The following FGF14 variants were observed in gnomAD, a reference collection of about 807,000 sequenced individuals.
FGF14 encodes fibroblast growth factor 14.
In FGF14, 5 loss-of-function variants were observed where a neutral mutation model predicts 25.5. The ratio of observed to expected loss-of-function variants is 0.20; its 90% CI spans 0.10 to 0.41. FGF14 has a LOEUF of 0.41. Among genes scored for constraint, FGF14 ranks in the 10% least tolerant of loss-of-function variants. FGF14 has a pLI of 1.00. For synonymous variants in FGF14, 138 were observed against 118.3 expected, an observed-to-expected ratio of 1.17 and a Z score of -1.08; for missense variants, 222 against 320.1, an observed-to-expected ratio of 0.69 and a Z score of 2.34.
chr13:102,023,288 T>G (rs974809453), intron 1 of FGF14, among the ~76,000 whole-genome samples: 10 of 151,998 alleles, frequency 6.6e-5, no homozygotes, highest in African/African-American at 2.4e-4. Context: ...AAAGTCAAAT[T>G]TTATCCTCCA....
At chr13:101,849,553 T>C (rs557235412) in intron 3 of FGF14, among the ~76,000 whole-genome samples, 3 of 152,162 alleles carry the variant, frequency 2.0e-5, no homozygotes, top group East Asian at 3.9e-4. Flanking sequence ...TATCTTTCAA[T>C]GAATACGTTA....
At chr13:101,774,831 TCA>T (rs1308787788) in intron 3 of FGF14, among the ~76,000 whole-genome samples, 1 of 151,858 alleles carries the variant, frequency 6.6e-6, no homozygotes, top group Non-Finnish European at 1.5e-5. Context: ...GGCAGGAGGA[TCA>T]CATGAGGTCA....
intron 1 of FGF14, among the ~76,000 whole-genome samples, chr13:101,938,493 T>C (rs891998861): frequency 6.6e-5 from 10 of 152,338 alleles, no homozygotes; most frequent in African/African-American, 2.2e-4. Context: ...TAGTTCCTAA[T>C]AAAAAGGGCT....
chr13:102,059,637 G>A (rs937372673), intron 1 of FGF14, among the ~76,000 whole-genome samples: 1 of 152,052 alleles, frequency 6.6e-6, no homozygotes, highest in Admixed American at 6.5e-5. Context: ...GATCACGTGA[G>A]GTCAGAAGTT....
intron 3 of FGF14, among the ~76,000 whole-genome samples, chr13:101,777,484 A>T (rs1180907626): frequency 6.6e-6 from 1 of 152,112 alleles, no homozygotes; most frequent in African/African-American, 2.4e-5. Flanking sequence ...TTGACATCTG[A>T]ATTTAACTGA....
chr13:102,053,641 G>T (rs1037026084), intron 1 of FGF14, among the ~76,000 whole-genome samples: 7 of 152,078 alleles, frequency 4.6e-5, no homozygotes, highest in Admixed American at 3.9e-4. Flanking sequence ...CTTTCTAAGT[G>T]TTAGATATTT....
rs185680455 is a variant in FGF14, at chr13:102,107,035, T to C, written c.209-231739A>G. Reference sequence around the variant, plus strand: ...TGTTTCAGAATGTGAACAACACACATTAATGTCCTGTTGATTTTCTTTGAT... The same window carrying C: ...TGTTTCAGAATGTGAACAACACACACTAATGTCCTGTTGATTTTCTTTGAT... On this transcript the variant is annotated intron_variant, in intron 1 of 4. Coordinates refer to the FGF14 transcript ENST00000376131. Among the ~76,000 whole-genome samples the C allele has an allele frequency of 2.2e-4, 33 of 152,322 alleles. No individual in the cohort carries two copies. In the East Asian group the frequency reaches 6.4e-3, roughly 29 times the overall value.
chr13:102,115,210 C>G (rs951194362), intron 1 of FGF14, among the ~76,000 whole-genome samples: 2 of 152,098 alleles, frequency 1.3e-5, no homozygotes, highest in African/African-American at 4.8e-5. Flanking sequence ...CCTGGGGGAA[C>G]AGGTTTTGTC....
intron 1 of FGF14, among the ~76,000 whole-genome samples, chr13:101,908,832 T>A (rs929796965): frequency 6.6e-6 from 1 of 152,200 alleles, no homozygotes; most frequent in Non-Finnish European, 1.5e-5. Context: ...GCTACCTGAC[T>A]TCAAACTATA....
At chr13:101,775,210 G>A (rs567387169) in intron 3 of FGF14, among the ~76,000 whole-genome samples, 1 of 152,120 alleles carries the variant, frequency 6.6e-6, no homozygotes, top group African/African-American at 2.4e-5. Context: ...ACAAAAATGT[G>A]TGTTCTAATA....
At chr13:101,813,109 C>T (rs1481870401) in intron 3 of FGF14, among the ~76,000 whole-genome samples, 2 of 152,100 alleles carry the variant, frequency 1.3e-5, no homozygotes, top group African/African-American at 2.4e-5. Context: ...TCCTTGTGTA[C>T]AGGTGGTGAG....
intron 1 of FGF14, among the ~76,000 whole-genome samples, chr13:102,114,426 G>T: frequency 6.6e-6 from 1 of 152,006 alleles, no homozygotes; most frequent in East Asian, 1.9e-4. Context: ...GTAGTCCCAC[G>T]GTTTATTTTT....
intron 1 of FGF14, among the ~76,000 whole-genome samples, chr13:102,324,365 T>C (rs2056352712): frequency 6.6e-6 from 1 of 152,188 alleles, no homozygotes; most frequent in Non-Finnish European, 1.5e-5. Flanking sequence ...TTGAGTCATT[T>C]ATCTAATCTC....
intron 1 of FGF14, among the ~76,000 whole-genome samples, chr13:102,364,620 C>T (rs949181752): frequency 1.3e-4 from 20 of 152,280 alleles, no homozygotes; most frequent in African/African-American, 2.9e-4. Flanking sequence ...ACAATACTTA[C>T]GAAGTATAAA....
intron 1 of FGF14, among the ~76,000 whole-genome samples, chr13:102,049,472 C>A (rs912847064): frequency 1.3e-5 from 2 of 151,858 alleles, no homozygotes; most frequent in Non-Finnish European, 2.9e-5. Context: ...TTCAAAACAA[C>A]AAAAAAATAG....
intron 1 of FGF14, among the ~76,000 whole-genome samples, chr13:102,163,642 G>A (rs35600259): frequency 0.065 from 9,891 of 152,122 alleles, 951 homozygotes; most frequent in East Asian, 0.5. Context: ...ACCAGTATTC[G>A]AGGAGGTGAT....
intron 1 of FGF14, among the ~76,000 whole-genome samples, chr13:101,924,991 A>T (rs1432975196): frequency 1.3e-5 from 2 of 152,204 alleles, no homozygotes. Flanking sequence ...GTGCATGTGC[A>T]TGTTGATAAC....
intron 3 of FGF14, among the ~76,000 whole-genome samples, chr13:101,739,289 A>G (rs921042639): frequency 1.1e-4 from 17 of 152,026 alleles, no homozygotes; most frequent in African/African-American, 3.6e-4. Context: ...GTGAGATCCT[A>G]GTATTTAGCC....
intron 1 of FGF14, among the ~76,000 whole-genome samples, chr13:101,993,734 G>A (rs2039029630): frequency 1.3e-5 from 2 of 151,678 alleles, no homozygotes; most frequent in Admixed American, 1.3e-4. Context: ...AGAGAAAATG[G>A]GATTATATAG....
Sources: allele counts gnomAD v4.1 joint callset (sites outside exome capture counted in the v4.1 genomes callset), GRCh38; gene constraint gnomAD v4.1.1; transcripts MANE v1.5; gene names NCBI Gene and HGNC (gene_info 2026-07-23, HGNC 2026-07-21).